PLLP: variants seen among roughly 807,000 people sequenced by gnomAD.
PLLP encodes plasma membrane proteolipid (plasmolipin).
In PLLP, 15 loss-of-function variants were observed where a neutral mutation model predicts 19.7. The observed-to-expected ratio is 0.76, with a 90% CI of 0.51 to 1.17. PLLP has a LOEUF of 1.17. Among genes scored for constraint, PLLP ranks in the 50% most tolerant of loss-of-function variants. The pLI is 0.00. For missense variants in PLLP, 255 were observed against 258.3 expected (o/e 0.99, Z 0.09); for synonymous variants, 111 against 116.3 (o/e 0.95, Z 0.29).
At chr16:57,257,524 GC>G (rs2075429500) in intron 3 of PLLP, among the ~76,000 whole-genome samples, 1 of 152,210 alleles carries the variant, frequency 6.6e-6, no homozygotes, top group Non-Finnish European at 1.5e-5. Context: ...CCTGGGCTTG[GC>G]CGTGGCTCCA....
intron 1 of PLLP, among the ~76,000 whole-genome samples, chr16:57,274,652 C>T (rs1346753345): frequency 1.3e-5 from 2 of 151,010 alleles, no homozygotes; most frequent in East Asian, 2.0e-4. Flanking sequence ...GAGGTCTCAC[C>T]ATGTTGGCCA....
At chr16:57,263,188 C>G (rs1164296164) in intron 1 of PLLP, 2 of 152,310 alleles carry the variant, frequency 1.3e-5, no homozygotes, top group Admixed American at 6.5e-5. Flanking sequence ...CCCCACGTCT[C>G]CGGCTCTCCC....
rs544113083 is a variant in PLLP at position 57,269,557 on chromosome 16, C to T, written c.136-7487G>A. On this transcript the variant is annotated intron_variant, in intron 1 of 3. Coordinates refer to ENST00000219207, the MANE Select transcript of PLLP (RefSeq NM_015993.3). ...AGTCCGGGGCTGGGGGAGGGAAATC[C>T]CAGAGAGGGACGCCACGAGGCAGGA... Among the ~76,000 whole-genome samples, 101 of 152,108 alleles carry T rather than the reference C, an allele frequency of 6.6e-4. 1 individual carries two copies. The highest frequency in any genetic ancestry group is 1.7e-3 in the South Asian group (8 of 4,816).
At chr16:57,274,648 T>G (rs1012341001) in intron 1 of PLLP, among the ~76,000 whole-genome samples, 2 of 151,964 alleles carry the variant, frequency 1.3e-5, no homozygotes, top group South Asian at 4.2e-4. Context: ...AGATGAGGTC[T>G]CACCATGTTG....
intron 1 of PLLP, among the ~76,000 whole-genome samples, chr16:57,265,694 A>C (rs750758107): frequency 1.9e-4 from 29 of 152,152 alleles, no homozygotes; most frequent in Non-Finnish European, 3.5e-4. Flanking sequence ...TCCAAAGGGA[A>C]TCTCAGGAGG....
intron 1 of PLLP, among the ~76,000 whole-genome samples, chr16:57,273,260 A>C (rs1460417892): frequency 7.9e-6 from 1 of 126,682 alleles, no homozygotes; most frequent in Non-Finnish European, 1.7e-5. Context: ...ACTCCATCTC[A>C]AAAAAAAAAA....
At chr16:57,280,488 C>G (rs1901206015) in intron 1 of PLLP, among the ~76,000 whole-genome samples, 1 of 151,906 alleles carries the variant, frequency 6.6e-6, no homozygotes, top group Non-Finnish European at 1.5e-5. Context: ...AGCACTGATG[C>G]CTTTTTTTTT....
chr16:57,267,055 C>T (rs2075459920), intron 1 of PLLP, among the ~76,000 whole-genome samples: 1 of 152,106 alleles, frequency 6.6e-6, no homozygotes, highest in South Asian at 2.1e-4. Context: ...GTCACAAATG[C>T]CCAACCAAGA....
chr16:57,269,961 G>T (rs2075469140), intron 1 of PLLP, among the ~76,000 whole-genome samples: 1 of 152,044 alleles, frequency 6.6e-6, no homozygotes, highest in Non-Finnish European at 1.5e-5. Flanking sequence ...TATAGACAGG[G>T]TTTCACCATG....
intron 1 of PLLP, among the ~76,000 whole-genome samples, chr16:57,273,050 A>C (rs1176186353): frequency 6.6e-6 from 1 of 151,984 alleles, no homozygotes; most frequent in Non-Finnish European, 1.5e-5. Flanking sequence ...TGAGGTCAGG[A>C]GATCGAGACC....
chr16:57,283,562 C>A (rs548437472), intron 1 of PLLP, among the ~76,000 whole-genome samples: 1 of 152,248 alleles, frequency 6.6e-6, no homozygotes, highest in African/African-American at 2.4e-5. Context: ...AGGGCACCCA[C>A]CCAGCTTCCA....
At chr16:57,261,815 C>A in intron 2 of PLLP, 82 bp downstream of exon 2, 4 of 1,287,176 alleles carry the variant, frequency 3.1e-6, no homozygotes, top group South Asian at 2.5e-5. Context: ...GTCAGGCCAC[C>A]CCCCCACACC....
intron 1 of PLLP, among the ~76,000 whole-genome samples, chr16:57,263,651 G>A (rs1597960138): frequency 1.3e-5 from 2 of 152,132 alleles, no homozygotes; most frequent in Admixed American, 6.5e-5. Flanking sequence ...GCTGAGGCAG[G>A]GCCCAGGGAG....
chr16:57,271,465 G>A (rs1463056169), intron 1 of PLLP, among the ~76,000 whole-genome samples: 15 of 151,966 alleles, frequency 9.9e-5, no homozygotes, highest in African/African-American at 3.6e-4. Flanking sequence ...CCAACATGGT[G>A]AAACCCCGCC....
intron 1 of PLLP, among the ~76,000 whole-genome samples, chr16:57,271,253 G>A (rs1034427273): frequency 2.6e-5 from 4 of 152,034 alleles, no homozygotes; most frequent in East Asian, 1.9e-4. Context: ...CAGCCCCCAC[G>A]TGTACTTGCA....
intron 1 of PLLP, among the ~76,000 whole-genome samples, chr16:57,276,790 A>T (rs1901159949): frequency 6.6e-6 from 1 of 152,088 alleles, no homozygotes; most frequent in South Asian, 2.1e-4. Flanking sequence ...GGCAATCTAC[A>T]TCACAATCCC....
chr16:57,277,149 T>A (rs1234306726), intron 1 of PLLP, among the ~76,000 whole-genome samples: 1 of 152,090 alleles, frequency 6.6e-6, no homozygotes, highest in Non-Finnish European at 1.5e-5. Flanking sequence ...TTTGCATAGG[T>A]CTCCTTAAAG....
intron 1 of PLLP, among the ~76,000 whole-genome samples, chr16:57,278,590 C>A (rs368572044): frequency 3.3e-5 from 5 of 152,260 alleles, no homozygotes; most frequent in South Asian, 2.1e-4. Context: ...AATACTCCCC[C>A]CCTTGCAGTA....
At chr16:57,282,462 G>A (rs1440167715) in intron 1 of PLLP, among the ~76,000 whole-genome samples, 1 of 151,522 alleles carries the variant, frequency 6.6e-6, no homozygotes, top group Non-Finnish European at 1.5e-5. Context: ...TGCCCAGGCT[G>A]GTCTTGAACT....
Sources: allele counts gnomAD v4.1 joint callset (sites outside exome capture counted in the v4.1 genomes callset), GRCh38; gene constraint gnomAD v4.1.1; transcripts MANE v1.5; gene names NCBI Gene and HGNC (gene_info 2026-07-23, HGNC 2026-07-21).